The following GPC5 variants were observed in gnomAD, a reference collection of about 807,000 sequenced individuals.
GPC5 encodes the protein glypican-5.
In GPC5, 47 loss-of-function variants were observed where a neutral mutation model predicts 53.9. The observed-to-expected ratio is 0.87, with a 90% confidence interval of 0.69 to 1.11. The LOEUF (loss-of-function observed/expected upper bound fraction) is 1.11. GPC5 is among the 50% of genes most tolerant of loss of function. The pLI, the probability that GPC5 is intolerant of heterozygous loss-of-function variation, is 0.00. For synonymous variants in GPC5, 286 were observed against 263.3 expected, an observed-to-expected ratio of 1.09 and a Z score of -0.84; for missense variants, 748 against 713.1, an observed-to-expected ratio of 1.05 and a Z score of -0.56.
At chr13:92,805,180 A>T (rs568459819) in intron 7 of GPC5, among the ~76,000 whole-genome samples, 8 of 152,182 alleles carry the variant, frequency 5.3e-5, no homozygotes, top group African/African-American at 1.9e-4. Flanking sequence ...TAGCATTTAG[A>T]ATGTTAAGTC....
chr13:92,201,274 G>A (rs2042293408), intron 7 of GPC5, among the ~76,000 whole-genome samples: 1 of 152,136 alleles, frequency 6.6e-6, no homozygotes, highest in South Asian at 2.1e-4. Flanking sequence ...GGTTGAAAAT[G>A]GTATTTCATC....
intron 6 of GPC5, among the ~76,000 whole-genome samples, chr13:92,007,781 C>G (rs986699192): frequency 2.6e-5 from 4 of 152,048 alleles, no homozygotes; most frequent in Admixed American, 2.6e-4. Flanking sequence ...TCCTCCTTTT[C>G]CTTTTATTTT....
chr13:92,234,193 C>A (rs975660270), intron 7 of GPC5, among the ~76,000 whole-genome samples: 9 of 152,150 alleles, frequency 5.9e-5, no homozygotes, highest in Middle Eastern at 3.2e-3. Flanking sequence ...ATTGCTGGGA[C>A]AAATGGTGTT....
chr13:92,827,007 A>G (rs1404379001), intron 7 of GPC5, among the ~76,000 whole-genome samples: 1 of 152,126 alleles, frequency 6.6e-6, no homozygotes, highest in African/African-American at 2.4e-5. Context: ...ACTTGGAGGT[A>G]AATCCTTGCT....
intron 5 of GPC5, among the ~76,000 whole-genome samples, chr13:91,894,270 G>A (rs1045449996): frequency 4.6e-5 from 7 of 151,982 alleles, no homozygotes; most frequent in Non-Finnish European, 8.8e-5. Flanking sequence ...TTGTTTGTTT[G>A]TTTTTTAATC....
chr13:91,716,086 A>ATT (rs932687648), intron 3 of GPC5, among the ~76,000 whole-genome samples: 5 of 148,738 alleles, frequency 3.4e-5, no homozygotes, highest in African/African-American at 1.2e-4. Context: ...GCCCATCTTG[A>ATT]TTTTTTTTTT....
At chr13:91,430,355 G>A (rs1254099150) in intron 1 of GPC5, among the ~76,000 whole-genome samples, 2 of 152,308 alleles carry the variant, frequency 1.3e-5, no homozygotes, top group African/African-American at 4.8e-5. Flanking sequence ...ATCCTAGTTG[G>A]CTTAAACCAG....
chr13:91,406,452 C>T (rs1877330001), intron 1 of GPC5, among the ~76,000 whole-genome samples: 1 of 152,100 alleles, frequency 6.6e-6, no homozygotes, highest in Non-Finnish European at 1.5e-5. Flanking sequence ...CCAAATGGTA[C>T]CCAACTCCGA....
chr13:92,010,754 A>C (rs1414013325), intron 6 of GPC5, among the ~76,000 whole-genome samples: 1 of 152,144 alleles, frequency 6.6e-6, no homozygotes, highest in Non-Finnish European at 1.5e-5. Flanking sequence ...AGGACACAGC[A>C]AGAAAGTAGG....
chr13:92,424,931 C>G (rs890699370), intron 7 of GPC5, among the ~76,000 whole-genome samples: 1 of 152,042 alleles, frequency 6.6e-6, no homozygotes, highest in Non-Finnish European at 1.5e-5. Flanking sequence ...GCTCCTGCTT[C>G]AAAGGGCAAG....
At chr13:91,740,775 A>G (rs2036917695) in intron 4 of GPC5, among the ~76,000 whole-genome samples, 1 of 152,188 alleles carries the variant, frequency 6.6e-6, no homozygotes, top group African/African-American at 2.4e-5. Flanking sequence ...ATAGTTGTCT[A>G]AAGCAGGCCA....
At chr13:92,679,188 T>C (rs1342835603) in intron 7 of GPC5, among the ~76,000 whole-genome samples, 1 of 152,170 alleles carries the variant, frequency 6.6e-6, no homozygotes, top group African/African-American at 2.4e-5. Flanking sequence ...TTTAGTGTAT[T>C]TCCACATATT....
At chr13:92,668,880 G>A (rs1886658270) in intron 7 of GPC5, among the ~76,000 whole-genome samples, 1 of 151,880 alleles carries the variant, frequency 6.6e-6, no homozygotes, top group Non-Finnish European at 1.5e-5. Context: ...TTATAAGTCA[G>A]AAAACAAATG....
chr13:91,731,842 C>G (rs1320358741), intron 4 of GPC5, among the ~76,000 whole-genome samples: 1 of 152,180 alleles, frequency 6.6e-6, no homozygotes, highest in Non-Finnish European at 1.5e-5. Context: ...TCACCCATGT[C>G]CCTGAAAAGG....
intron 7 of GPC5, among the ~76,000 whole-genome samples, chr13:92,197,714 C>T (rs7990793): frequency 0.3 from 44,589 of 150,258 alleles, 7,398 homozygotes; most frequent in East Asian, 0.61. Context: ...TGGGGCTTTG[C>T]CATGTTTCCC....
At chr13:92,668,749 G>C (rs200506184) in intron 7 of GPC5, among the ~76,000 whole-genome samples, 2 of 152,036 alleles carry the variant, frequency 1.3e-5, no homozygotes, top group South Asian at 2.1e-4. Flanking sequence ...ACCTTATATA[G>C]TTGTATTTTT....
intron 6 of GPC5, among the ~76,000 whole-genome samples, chr13:92,126,468 A>T (rs1405505995): frequency 6.6e-6 from 1 of 152,208 alleles, no homozygotes; most frequent in Non-Finnish European, 1.5e-5. Flanking sequence ...TTTTTAAGTA[A>T]TAAGTAATGT....
At chr13:92,018,623 A>G (rs1400771488) in intron 6 of GPC5, among the ~76,000 whole-genome samples, 2 of 152,124 alleles carry the variant, frequency 1.3e-5, no homozygotes, top group Non-Finnish European at 2.9e-5. Flanking sequence ...GAAGTTTAAG[A>G]AAAAAGCTCA....
intron 7 of GPC5, among the ~76,000 whole-genome samples, chr13:92,860,312 G>A (rs1309785528): frequency 6.6e-6 from 1 of 152,084 alleles, no homozygotes; most frequent in East Asian, 1.9e-4. Flanking sequence ...CTTCAGTTAC[G>A]AGTGTTGATG....
Sources: allele counts gnomAD v4.1 joint callset (sites outside exome capture counted in the v4.1 genomes callset), GRCh38; gene constraint gnomAD v4.1.1; transcripts MANE v1.5; gene names NCBI Gene and HGNC (gene_info 2026-07-23, HGNC 2026-07-21).